RPS29: variants seen among roughly 807,000 people sequenced by gnomAD.
The protein encoded by RPS29 is ribosomal protein S29, also known as small ribosomal subunit protein uS14.
For missense variants in RPS29, 60 were observed against 75.7 expected, an observed-to-expected ratio of 0.79 and a Z score of 0.77; for synonymous variants, 37 against 26.9, an observed-to-expected ratio of 1.37 and a Z score of -1.16.
At chr14:49,598,194 A>G in intron 1 of RPS29, 1 of 554,154 alleles carries the variant, frequency 1.8e-6, no homozygotes, top group Non-Finnish European at 3.2e-6. Flanking sequence ...AGAGGCGCCT[A>G]GAGCACAAAT....
chr14:49,595,104 A>C (rs979169472), intron 1 of RPS29, among the ~76,000 whole-genome samples: 4 of 152,098 alleles, frequency 2.6e-5, no homozygotes, highest in African/African-American at 9.7e-5. Context: ...ATTTTTCTCC[A>C]GTCTTTTTTT....
intron 1 of RPS29, among the ~76,000 whole-genome samples, chr14:49,591,746 G>A (rs1315787956): frequency 6.7e-6 from 1 of 149,542 alleles, no homozygotes; most frequent in African/African-American, 2.5e-5. Flanking sequence ...TCAGCCTCCC[G>A]AGTAGCTGGG....
At chr14:49,586,451 G>A, upstream of RPS29, 1 of 997,612 alleles carries the variant, frequency 1.0e-6, no homozygotes, top group African/African-American at 1.6e-5. Context: ...CAAAGGAAAC[G>A]CGTGCGCAGT....
exon 3 of RPS29, chr14:49,574,682 T>C (rs529710633): frequency 1.3e-5 from 2 of 152,334 alleles, no homozygotes; most frequent in South Asian, 4.1e-4. Flanking sequence ...AGTGATGTTA[T>C]GTAAGTATTT....
exon 3 of RPS29, chr14:49,577,501 G>C: frequency 1.9e-6 from 1 of 518,538 alleles, no homozygotes; most frequent in South Asian, 1.8e-5. Context: ...AACATCATGA[G>C]TGATCTCAAC....
At chr14:49,586,131 G>A in intron 1 of RPS29, 82 bp from the exon 2 acceptor site, 3 of 1,430,910 alleles carry the variant, frequency 2.1e-6, no homozygotes, top group Non-Finnish European at 3.0e-6. Context: ...CGCATCCCGG[G>A]ACTCCCAAGC....
intron 1 of RPS29, among the ~76,000 whole-genome samples, chr14:49,596,993 C>A (rs1452570798): frequency 6.6e-6 from 1 of 150,690 alleles, no homozygotes; most frequent in Non-Finnish European, 1.5e-5. Flanking sequence ...CGGCTCACTG[C>A]AACCTCCGTC....
chr14:49,592,567 A>T (rs990028019), intron 1 of RPS29, among the ~76,000 whole-genome samples: 1 of 150,424 alleles, frequency 6.6e-6, no homozygotes, highest in African/African-American at 2.4e-5. Flanking sequence ...GGGTTTCTCC[A>T]TGTTGGTCAG....
chr14:49,574,987 G>A (rs920741030), exon 3 of RPS29: 2 of 152,410 alleles, frequency 1.3e-5, no homozygotes, highest in African/African-American at 4.8e-5. Flanking sequence ...GAGACTTTGA[G>A]TCCTTGCCCC....
upstream of RPS29, among the ~76,000 whole-genome samples, chr14:49,589,043 A>T (rs866646869): frequency 3.9e-4 from 59 of 151,812 alleles, no homozygotes; most frequent in African/African-American, 1.3e-3. Flanking sequence ...AGCGCCCGCC[A>T]CCATGCCCGG....
At chr14:49,577,791 C>T (rs1268241063) in exon 3 of RPS29, 39 of 1,598,986 alleles carry the variant, frequency 2.4e-5, no homozygotes, top group Non-Finnish European at 3.2e-5. Context: ...CTCAGGATGG[C>T]CATGATGGAG....
downstream of RPS29, among the ~76,000 whole-genome samples, chr14:49,582,784 TC>T (rs1032039091): frequency 2.9e-4 from 44 of 152,316 alleles, no homozygotes; most frequent in Admixed American, 2.3e-3. Flanking sequence ...CCAAGAATTT[TC>T]ACCTACCTTC....
downstream of RPS29, chr14:49,583,539 A>T: frequency 1.1e-6 from 1 of 942,796 alleles, no homozygotes; most frequent in Non-Finnish European, 1.6e-6. Context: ...ATAAACAATT[A>T]GCTATTCCAG....
At chr14:49,598,352 T>C in intron 1 of RPS29, 1 of 645,542 alleles carries the variant, frequency 1.5e-6, no homozygotes. Flanking sequence ...CTGGACGGTC[T>C]TTCCACGTCT....
At chr14:49,586,958 C>T (rs987348826), upstream of RPS29, 2 of 152,828 alleles carry the variant, frequency 1.3e-5, no homozygotes, top group Non-Finnish European at 2.9e-5. Flanking sequence ...AAACCTTTTA[C>T]TTTCTTTTAA....
downstream of RPS29, among the ~76,000 whole-genome samples, chr14:49,578,679 GC>G (rs1374254597): frequency 2.0e-5 from 3 of 147,200 alleles, no homozygotes; most frequent in African/African-American, 7.5e-5. Flanking sequence ...TTGTGCCTCA[GC>G]CCCCCAAGTA....
chr14:49,585,714 T>C (rs1451652269), intron 2 of RPS29: 5 of 516,446 alleles, frequency 9.7e-6, no homozygotes, highest in Admixed American at 6.9e-5. Flanking sequence ...CTAAGCTATC[T>C]AGGTAAAAAA....
chr14:49,592,001 A>T (rs142594857), intron 1 of RPS29, among the ~76,000 whole-genome samples: 46 of 152,324 alleles, frequency 3.0e-4, no homozygotes, highest in African/African-American at 1.0e-3. Flanking sequence ...TATGTTTATA[A>T]GCCAGACATA....
At chr14:49,585,508 A>G (rs1881506811) in intron 2 of RPS29, 1 of 222,172 alleles carries the variant, frequency 4.5e-6, no homozygotes, top group African/African-American at 2.3e-5. Context: ...TGAGACCAGG[A>G]GGAGTTCGAG....
Sources: gnomAD v4.1 joint callset for allele counts (sites outside exome capture counted in the v4.1 genomes callset) on GRCh38, gnomAD v4.1.1 for gene constraint, MANE v1.5 for transcripts, NCBI Gene and HGNC (gene_info 2026-07-23, HGNC 2026-07-21) for gene names.